The following FARS2 variants were observed in gnomAD, a reference collection of about 807,000 sequenced individuals.
The protein encoded by FARS2 is phenylalanine--tRNA ligase, mitochondrial.
A neutral mutation model predicts 46.4 loss-of-function variants in FARS2; 40 were observed. The ratio of observed to expected loss-of-function variants is 0.86; its 90% CI spans 0.67 to 1.12. The LOEUF (loss-of-function observed/expected upper bound fraction) is 1.12, where lower values mean the gene tolerates loss of function less well. Ranked by LOEUF, FARS2 falls within the 50% of genes most tolerant of loss-of-function variation. The probability of loss-of-function intolerance (pLI) is 0.00; values close to 1 mark genes in which losing one functional copy is unlikely to be tolerated. For synonymous variants in FARS2, 234 were observed against 214.9 expected, an observed-to-expected ratio of 1.09 and a Z score of -0.78; for missense variants, 513 against 567.9, an observed-to-expected ratio of 0.90 and a Z score of 0.98.
chr6:5,334,846 A>G (rs1169625053), intron 1 of FARS2, among the ~76,000 whole-genome samples: 2 of 152,230 alleles, frequency 1.3e-5, no homozygotes, highest in Non-Finnish European at 2.9e-5. Flanking sequence ...TTATCTCTCC[A>G]GGAATAAAAA....
At chr6:5,501,055 C>T (rs2150381063) in intron 4 of FARS2, among the ~76,000 whole-genome samples, 1 of 150,750 alleles carries the variant, frequency 6.6e-6, no homozygotes, top group Middle Eastern at 3.4e-3. Context: ...ATTCATTCAC[C>T]CAGAGAAAAC....
chr6:5,690,718 G>A (rs1757638779), intron 6 of FARS2, among the ~76,000 whole-genome samples: 1 of 152,146 alleles, frequency 6.6e-6, no homozygotes, highest in Non-Finnish European at 1.5e-5. Context: ...GACATTCTCT[G>A]TATTTCCTGA....
At chr6:5,561,126 G>C (rs1000285094) in intron 5 of FARS2, among the ~76,000 whole-genome samples, 1 of 152,074 alleles carries the variant, frequency 6.6e-6, no homozygotes, top group Non-Finnish European at 1.5e-5. Flanking sequence ...ACAAGCCTCC[G>C]TCTCAAAAAC....
intron 1 of FARS2, among the ~76,000 whole-genome samples, chr6:5,362,147 T>G (rs1289211513): frequency 6.6e-6 from 1 of 152,220 alleles, no homozygotes; most frequent in African/African-American, 2.4e-5. Context: ...TTGACCACCA[T>G]GCCCACTGTT....
intron 5 of FARS2, among the ~76,000 whole-genome samples, chr6:5,572,959 G>A (rs998365231): frequency 2.0e-5 from 3 of 152,098 alleles, no homozygotes; most frequent in Non-Finnish European, 4.4e-5. Context: ...TGTTTCAATA[G>A]TTCCTCATTA....
chr6:5,390,608 C>T (rs1313112816), intron 2 of FARS2, among the ~76,000 whole-genome samples: 1 of 152,174 alleles, frequency 6.6e-6, no homozygotes, highest in Non-Finnish European at 1.5e-5. Context: ...ATATTTCTTT[C>T]CCTTACAGTG....
intron 4 of FARS2, among the ~76,000 whole-genome samples, chr6:5,439,304 CTACCCCAAGATCA>C (rs1763711608): frequency 6.6e-6 from 1 of 152,216 alleles, no homozygotes; most frequent in African/African-American, 2.4e-5. Context: ...TGGGCTTTCT[CTACCCCAAGATCA>C]TACCCTCAGA....
chr6:5,454,721 C>T lies in FARS2; in HGVS notation c.904+23549C>T, dbSNP rs113673195. 8.5e-3 allele frequency among the ~76,000 whole-genome samples: 1,296 copies of T among 152,256 alleles called. 15 individuals carry two copies. The highest frequency in any genetic ancestry group is 0.03 in the African/African-American group (1,242 of 41,550). ...CCGTATAATCTTTGGATTCTCATTG[C>T]TCTGAGGGTAAAGGTCCAAATCTGT... On this transcript the variant is annotated intron_variant, in intron 4 of 6. Coordinates refer to ENST00000274680, the MANE Select transcript of FARS2 (RefSeq NM_006567.5).
chr6:5,406,273 G>T (rs773499086), intron 3 of FARS2, among the ~76,000 whole-genome samples: 6 of 152,146 alleles, frequency 3.9e-5, no homozygotes, highest in Non-Finnish European at 8.8e-5. Flanking sequence ...TGTACATTTT[G>T]ATCAGTTGAC....
At chr6:5,592,361 G>A (rs1773965383) in intron 5 of FARS2, among the ~76,000 whole-genome samples, 1 of 151,658 alleles carries the variant, frequency 6.6e-6, no homozygotes, top group African/African-American at 2.4e-5. Flanking sequence ...ACTCCAGCCT[G>A]TGTGACAGAG....
chr6:5,769,541 G>C (rs192577421), intron 6 of FARS2, among the ~76,000 whole-genome samples: 5 of 152,358 alleles, frequency 3.3e-5, no homozygotes, highest in Admixed American at 3.3e-4. Flanking sequence ...TTGGGCAGCA[G>C]TGCCTCCCCC....
intron 6 of FARS2, among the ~76,000 whole-genome samples, chr6:5,673,959 T>C (rs78703119): frequency 0.013 from 1,990 of 152,168 alleles, 39 homozygotes; most frequent in African/African-American, 0.043. Flanking sequence ...TTTACTTATT[T>C]GCTTATTTAA....
In FARS2 at chr6:5,404,598, C is replaced by T. The variant is rs958280596; in HGVS notation, c.669C>T (p.Arg223=). Residue 223 remains arginine, a synonymous_variant, in exon 3 of 7, where the codon CGC becomes CGT. Coordinates refer to ENST00000274680, the MANE Select transcript of FARS2 (RefSeq NM_006567.5). ...TGCAGCTCTTTGAACAAAGTTCTCG[C>T]TCTGCGCATAAACAAGAGACACACA... The part of the protein sequence containing the change: ...ESLQLFEQSS[R]SAHKQETHTM... 2.5e-6 allele frequency: 4 copies of T among 1,611,464 alleles called. No individual in the cohort carries two copies. The African/African-American group carries it at 5.3e-5, about 22-fold the overall frequency.
At chr6:5,743,686 T>C (rs184470363) in intron 6 of FARS2, among the ~76,000 whole-genome samples, 3 of 152,192 alleles carry the variant, frequency 2.0e-5, no homozygotes, top group Non-Finnish European at 2.9e-5. Flanking sequence ...AGGGAGCACA[T>C]TGTTGGTAGA....
Position 5,706,319 on chromosome 6 carries a change from G to T in FARS2, c.1218-64972G>T, listed in dbSNP as rs184068385. On this transcript the variant is annotated intron_variant, in intron 6 of 6. Transcript: ENST00000274680. ...ACGGGTACTGGTCCACAGCCCGGGGGTGGGGGACTCCTGTGTTAGACGACA... is the reference window on the plus strand; with the variant it reads ...ACGGGTACTGGTCCACAGCCCGGGGTTGGGGGACTCCTGTGTTAGACGACA... Among the ~76,000 whole-genome samples, 129 of 152,338 alleles carry T rather than the reference G, an allele frequency of 8.5e-4. 1 individual carries two copies. The South Asian group carries it at 0.019, about 23-fold the overall frequency.
chr6:5,617,481 C>T (rs1405405993), intron 6 of FARS2, among the ~76,000 whole-genome samples: 1 of 152,192 alleles, frequency 6.6e-6, no homozygotes, highest in African/African-American at 2.4e-5. Context: ...ATTCCCCCTG[C>T]CCCCGTCCTT....
At chr6:5,476,675 G>C (rs181809800) in intron 4 of FARS2, among the ~76,000 whole-genome samples, 34 of 152,292 alleles carry the variant, frequency 2.2e-4, no homozygotes, top group Non-Finnish European at 3.4e-4. Flanking sequence ...GAAGGCCGTT[G>C]CCATGCCGAG....
chr6:5,720,528 T>TATA (rs1249293130), intron 6 of FARS2, among the ~76,000 whole-genome samples: 35 of 152,360 alleles, frequency 2.3e-4, no homozygotes, highest in Admixed American at 1.2e-3. Context: ...TCATTCAGCA[T>TATA]TTATTGTGTA....
chr6:5,520,736 C>T (rs1020789039), intron 4 of FARS2, among the ~76,000 whole-genome samples: 7 of 152,010 alleles, frequency 4.6e-5, no homozygotes, highest in African/African-American at 1.7e-4. Context: ...CTTGGAGTTC[C>T]TGAGAAAAAT....
Sources: gnomAD v4.1 joint callset for allele counts (sites outside exome capture counted in the v4.1 genomes callset) on GRCh38, gnomAD v4.1.1 for gene constraint, MANE v1.5 for transcripts, NCBI Gene and HGNC (gene_info 2026-07-23, HGNC 2026-07-21) for gene names.